Variants in MARCHF1 observed in about 807,000 individuals in gnomAD.
MARCHF1 encodes the protein membrane associated ring-CH-type finger 1.
Under a neutral mutation model 54.2 loss-of-function variants are expected in MARCHF1, and 40 were observed. That is an observed-to-expected ratio of 0.74 (90% CI 0.57 to 0.96). The LOEUF (loss-of-function observed/expected upper bound fraction) is 0.96. MARCHF1 is among the 40% of genes least tolerant of loss of function. MARCHF1 has a pLI of 0.00. For missense variants in MARCHF1, 586 were observed against 656.5 expected (o/e 0.89, Z 1.17); for synonymous variants, 236 against 236.3 (o/e 1.00, Z 0.01).
At chr4:163,632,624 C>T (rs1478851502) in intron 5 of MARCHF1, among the ~76,000 whole-genome samples, 1 of 152,184 alleles carries the variant, frequency 6.6e-6, no homozygotes, top group African/African-American at 2.4e-5. Flanking sequence ...TGATTGTTAG[C>T]ACAGCAGTCT....
chr4:164,243,360 T>A (rs1410871309), intron 1 of MARCHF1, among the ~76,000 whole-genome samples: 1 of 147,398 alleles, frequency 6.8e-6, no homozygotes, highest in Non-Finnish European at 1.5e-5. Context: ...AACCCAGAAT[T>A]TCATATCCAG....
At chr4:164,229,761 C>T (rs1732363879) in intron 1 of MARCHF1, among the ~76,000 whole-genome samples, 1 of 151,890 alleles carries the variant, frequency 6.6e-6, no homozygotes, top group Non-Finnish European at 1.5e-5. Context: ...TCACATGGCC[C>T]GAGTAAGAGC....
chr4:164,185,232 A>G (rs994529027), intron 1 of MARCHF1, among the ~76,000 whole-genome samples: 8 of 152,224 alleles, frequency 5.3e-5, no homozygotes, highest in African/African-American at 1.9e-4. Context: ...ATGTTGCATT[A>G]GCATACTACA....
chr4:164,207,522 C>T (rs1731642362), intron 1 of MARCHF1, among the ~76,000 whole-genome samples: 1 of 152,128 alleles, frequency 6.6e-6, no homozygotes, highest in Admixed American at 6.5e-5. Context: ...TAAAGAGAAA[C>T]CAGTTTTGAC....
intron 4 of MARCHF1, among the ~76,000 whole-genome samples, chr4:163,788,529 T>C (rs1053442301): frequency 6.6e-6 from 1 of 152,010 alleles, no homozygotes; most frequent in Non-Finnish European, 1.5e-5. Context: ...CTGGTTTTCA[T>C]GACCTGACAC....
At chr4:163,917,610 ATTTCT>A (rs1283441245) in intron 3 of MARCHF1, among the ~76,000 whole-genome samples, 1 of 151,974 alleles carries the variant, frequency 6.6e-6, no homozygotes, top group Non-Finnish European at 1.5e-5. Context: ...ACTAAATTTA[ATTTCT>A]TTTTTTTCTT....
chr4:163,787,941 C>CA (rs752432042), intron 4 of MARCHF1, among the ~76,000 whole-genome samples: 1 of 151,874 alleles, frequency 6.6e-6, no homozygotes, highest in Admixed American at 6.6e-5. Flanking sequence ...GGAAGACCCT[C>CA]AAGGACAATT....
intron 5 of MARCHF1, among the ~76,000 whole-genome samples, chr4:163,638,818 T>A (rs1044160997): frequency 2.6e-5 from 4 of 152,194 alleles, no homozygotes; most frequent in Non-Finnish European, 5.9e-5. Context: ...TACGTATATC[T>A]ATATTATCTA....
chr4:164,121,245 A>G (rs1352357412), intron 1 of MARCHF1, among the ~76,000 whole-genome samples: 3 of 152,150 alleles, frequency 2.0e-5, no homozygotes, highest in African/African-American at 4.8e-5. Context: ...CTAGATGCAT[A>G]CAACCTACCA....
At chr4:164,084,811 C>T (rs1755163279) in intron 2 of MARCHF1, among the ~76,000 whole-genome samples, 1 of 151,638 alleles carries the variant, frequency 6.6e-6, no homozygotes, top group African/African-American at 2.4e-5. Flanking sequence ...AGCTATATTG[C>T]TTGAACCACT....
intron 1 of MARCHF1, among the ~76,000 whole-genome samples, chr4:164,300,728 A>T (rs1287590222): frequency 6.6e-6 from 1 of 152,110 alleles, no homozygotes; most frequent in Non-Finnish European, 1.5e-5. Flanking sequence ...TTATCTAGAG[A>T]CAGGGTTGTG....
chr4:163,844,681 T>C (rs1338493942), intron 4 of MARCHF1, among the ~76,000 whole-genome samples: 1 of 152,202 alleles, frequency 6.6e-6, no homozygotes, highest in Non-Finnish European at 1.5e-5. Context: ...AATGAGAATA[T>C]AGCCAATCAT....
intron 2 of MARCHF1, among the ~76,000 whole-genome samples, chr4:164,007,412 C>A (rs1030830483): frequency 7.1e-6 from 1 of 141,642 alleles, no homozygotes; most frequent in Non-Finnish European, 1.5e-5. Context: ...ATAAAATCCA[C>A]AGGTAAAATT....
rs1307638955 is a variant in MARCHF1 at position 164,220,309 on chromosome 4, T to C, written c.-322-108647A>G. Among the ~76,000 whole-genome samples the C allele has an allele frequency of 2.7e-5, 4 of 147,878 alleles. No individual in the cohort carries two copies. In the Admixed American group the frequency reaches 2.7e-4, roughly 10 times the overall value. ...ATTCATATATATATATGAATATATA[T>C]AGGAATTCATATATATATAGGAATT... On this transcript the variant is annotated intron_variant, in intron 1 of 9. Coordinates refer to ENST00000514618, the MANE Select transcript of MARCHF1 (RefSeq NM_001394959.1).
chr4:164,115,528 T>C (rs944874564), intron 1 of MARCHF1, among the ~76,000 whole-genome samples: 1 of 152,084 alleles, frequency 6.6e-6, no homozygotes, highest in African/African-American at 2.4e-5. Flanking sequence ...TGTGAAAGAA[T>C]ATTTATTCAG....
intron 1 of MARCHF1, among the ~76,000 whole-genome samples, chr4:164,203,398 T>G (rs1195712097): frequency 6.6e-6 from 1 of 152,102 alleles, no homozygotes; most frequent in Non-Finnish European, 1.5e-5. Flanking sequence ...GAAAATCTAA[T>G]GGGGTAGCCT....
chr4:164,090,066 A>T (rs2111130459), intron 2 of MARCHF1, among the ~76,000 whole-genome samples: 1 of 152,158 alleles, frequency 6.6e-6, no homozygotes, highest in East Asian at 1.9e-4. Context: ...GCAACAGATA[A>T]ATAGGCAAAG....
At chr4:163,702,174 C>T (rs1488890976) in intron 4 of MARCHF1, among the ~76,000 whole-genome samples, 1 of 152,136 alleles carries the variant, frequency 6.6e-6, no homozygotes, top group Non-Finnish European at 1.5e-5. Flanking sequence ...TATTACAGAC[C>T]GAGATGAGTC....
chr4:164,208,057 T>C (rs965126313), intron 1 of MARCHF1, among the ~76,000 whole-genome samples: 1 of 152,142 alleles, frequency 6.6e-6, no homozygotes, highest in Non-Finnish European at 1.5e-5. Flanking sequence ...GGCAAAGGTT[T>C]CAGAGAGGAG....
Sources: allele counts gnomAD v4.1 joint callset (sites outside exome capture counted in the v4.1 genomes callset), GRCh38; gene constraint gnomAD v4.1.1; transcripts MANE v1.5; gene names NCBI Gene and HGNC (gene_info 2026-07-23, HGNC 2026-07-21).